The following RPS6KA2 variants were observed in gnomAD, a reference collection of about 807,000 sequenced individuals.
RPS6KA2 encodes the protein ribosomal protein S6 kinase alpha-2.
In RPS6KA2, 42 loss-of-function variants were observed where a neutral mutation model predicts 91.8. That is an observed-to-expected ratio of 0.46 (90% confidence interval 0.36 to 0.59). The LOEUF (loss-of-function observed/expected upper bound fraction) is 0.59, where lower values mean the gene tolerates loss of function less well. Ranked by LOEUF, RPS6KA2 falls within the 20% of genes least tolerant of loss-of-function variation. The pLI, the probability that RPS6KA2 is intolerant of heterozygous loss-of-function variation, is 0.00. For missense variants in RPS6KA2, 798 were observed against 978.5 expected (o/e 0.82, Z 2.46); for synonymous variants, 414 against 393.6 (o/e 1.05, Z -0.61).
chr6:166,718,202 T>G (rs150843549), intron 2 of RPS6KA2, among the ~76,000 whole-genome samples: 1 of 152,186 alleles, frequency 6.6e-6, no homozygotes, highest in Admixed American at 6.5e-5. Context: ...TACCCTCACT[T>G]CCCCTTAAGT....
chr6:166,782,088 T>C (rs550906864), intron 2 of RPS6KA2, among the ~76,000 whole-genome samples: 100 of 152,278 alleles, frequency 6.6e-4, no homozygotes, highest in Middle Eastern at 6.8e-3. Flanking sequence ...GTCAGGAGTT[T>C]GAGACCAGCC....
rs546130789 is a variant in RPS6KA2, at chr6:166,491,191, T to C, written c.748-450A>G. On this transcript the variant is annotated intron_variant, in intron 8 of 20. Transcript: ENST00000265678. ...CATGCCTGGATGGTGGGGGCTAGAG[T>C]GCTTCCAGCATGAGATAGACCTGAC... Among the ~76,000 whole-genome samples the C allele has an allele frequency of 7.9e-5, 12 of 152,190 alleles. No individual in the cohort carries two copies. The South Asian group carries it at 2.5e-3, about 32-fold the overall frequency.
intron 10 of RPS6KA2, among the ~76,000 whole-genome samples, chr6:166,474,532 G>A (rs1319677582): frequency 1.3e-5 from 2 of 152,176 alleles, no homozygotes; most frequent in African/African-American, 4.8e-5. Flanking sequence ...TTAGGAATGA[G>A]CTAGAAAGCT....
intron 12 of RPS6KA2, among the ~76,000 whole-genome samples, chr6:166,454,569 C>G (rs1234893382): frequency 1.3e-5 from 2 of 152,082 alleles, no homozygotes; most frequent in Admixed American, 1.3e-4. Context: ...TAGAAAAAGT[C>G]TGTTTCAGTG....
chr6:166,791,472 C>G (rs1309968496), intron 2 of RPS6KA2, among the ~76,000 whole-genome samples: 1 of 152,212 alleles, frequency 6.6e-6, no homozygotes, highest in African/African-American at 2.4e-5. Context: ...AGAAATTTAA[C>G]AAGGATATCC....
At chr6:166,701,534 G>A (rs1583032361) in intron 2 of RPS6KA2, 5 of 1,443,340 alleles carry the variant, frequency 3.5e-6, no homozygotes, top group South Asian at 1.1e-5. Flanking sequence ...CCAGCAAAGC[G>A]AGAAAGCTGC....
rs578169817 is a variant in RPS6KA2 at position 166,672,955 on chromosome 6, C to T, written c.124-134171G>A. Among the ~76,000 whole-genome samples, 18 of 152,254 alleles carry T rather than the reference C, an allele frequency of 1.2e-4. No homozygotes were observed. The South Asian group carries it at 3.5e-3, about 30-fold the overall frequency. On this transcript the variant is annotated intron_variant, in intron 2 of 21. Coordinates refer to the RPS6KA2 transcript ENST00000503859. Reference sequence around the variant, plus strand: ...GCTTGGAGCGTGGGTTTGATGTTGGCGTGGGCTTGCTGCAGCCAGCTGATG... The same window carrying T: ...GCTTGGAGCGTGGGTTTGATGTTGGTGTGGGCTTGCTGCAGCCAGCTGATG...
At chr6:166,440,446 C>T (rs1779484193) in intron 14 of RPS6KA2, 1 of 152,204 alleles carries the variant, frequency 6.6e-6, no homozygotes. Flanking sequence ...TTTGATTTTA[C>T]ATAAACATGT....
At chr6:166,750,379 C>T (rs1001378063) in intron 2 of RPS6KA2, among the ~76,000 whole-genome samples, 7 of 152,022 alleles carry the variant, frequency 4.6e-5, no homozygotes, top group Non-Finnish European at 8.8e-5. Flanking sequence ...ACGCAGTGCA[C>T]GCACATCTGT....
chr6:166,693,969 A>G (rs994688792), intron 2 of RPS6KA2, among the ~76,000 whole-genome samples: 52 of 152,112 alleles, frequency 3.4e-4, no homozygotes, highest in African/African-American at 1.2e-3. Context: ...TCCCTTAACG[A>G]TAGTTCTCGC....
At chr6:166,609,242 C>G (rs902551159) in intron 1 of RPS6KA2, among the ~76,000 whole-genome samples, 7 of 152,102 alleles carry the variant, frequency 4.6e-5, no homozygotes, top group Non-Finnish European at 1.0e-4. Context: ...GAAGCAGATG[C>G]CCCTAAAAAG....
At chr6:166,667,037 G>T (rs114586913) in intron 2 of RPS6KA2, among the ~76,000 whole-genome samples, 1 of 152,196 alleles carries the variant, frequency 6.6e-6, no homozygotes, top group South Asian at 2.1e-4. Context: ...GTGAGGTACC[G>T]AGAATACTCA....
intron 2 of RPS6KA2, 115 bp downstream of exon 2, chr6:166,538,553 C>T (rs750052129): frequency 1.4e-4 from 89 of 645,994 alleles, no homozygotes; most frequent in Admixed American, 1.1e-3. Context: ...TCCAGGTTCC[C>T]GTGATCGCAG....
chr6:166,730,520 T>C (rs1348640378), intron 2 of RPS6KA2, among the ~76,000 whole-genome samples: 1 of 152,246 alleles, frequency 6.6e-6, no homozygotes, highest in African/African-American at 2.4e-5. Flanking sequence ...ATTCTGGTTG[T>C]TACCTTAGAA....
Position 166,608,015 on chromosome 6 carries a change from GAAAA to G in RPS6KA2, c.99+18902_99+18905del, listed in dbSNP as rs35201506. On this transcript the variant is annotated intron_variant, in intron 1 of 20. Transcript: ENST00000265678. ...AGAAGGCAAAACCTTGTCTCAGAAA[GAAAA>G]AAAAAAAAAAGAGAGAGAGAGACTG... 2.7e-4 allele frequency among the ~76,000 whole-genome samples: 35 copies of G among 128,232 alleles called. No individual in the cohort carries two copies. In the South Asian group the frequency reaches 8.5e-3, roughly 31 times the overall value. The allele number at this position is 128,232 out of a possible 152,430, so 84.1% of individuals were successfully genotyped here.
At chr6:166,523,921 A>AT (rs1188414649) in intron 3 of RPS6KA2, among the ~76,000 whole-genome samples, 1 of 152,210 alleles carries the variant, frequency 6.6e-6, no homozygotes, top group Non-Finnish European at 1.5e-5. Flanking sequence ...GCGGGTCACT[A>AT]CACACAGCTC....
intron 2 of RPS6KA2, among the ~76,000 whole-genome samples, chr6:166,681,126 G>A (rs1420588422): frequency 6.6e-6 from 1 of 152,200 alleles, no homozygotes; most frequent in Non-Finnish European, 1.5e-5. Context: ...GAGAGGCAGC[G>A]CCAGAGCACA....
In RPS6KA2 at chr6:166,648,036, GCT is replaced by G. The variant is rs200292806; in HGVS notation, c.124-109254_124-109253del. Among the ~76,000 whole-genome samples the G allele has an allele frequency of 0.032, 2,878 of 89,002 alleles. 109 individuals are homozygous for G. Among genetic ancestry groups the G allele is most frequent in the South Asian group, 0.19 (508 of 2,740 alleles). The allele number at this position is 89,002 out of a possible 152,430, so 58.4% of individuals were successfully genotyped here. On this transcript the variant is annotated intron_variant, in intron 2 of 21. Coordinates refer to the RPS6KA2 transcript ENST00000503859. The surrounding 1 kb of genome is among the most constrained non-coding windows in gnomAD (Gnocchi z 4.8). ...TGCTTACACACATACATACACACAT[GCT>G]CTCACACACATGCACATGCTCACAC...
intron 1 of RPS6KA2, among the ~76,000 whole-genome samples, chr6:166,550,885 C>T (rs1424639684): frequency 6.6e-6 from 1 of 150,958 alleles, no homozygotes; most frequent in Non-Finnish European, 1.5e-5. Flanking sequence ...CCTGTAGTCC[C>T]AGCTACTCGG....
Sources: allele counts gnomAD v4.1 joint callset (sites outside exome capture counted in the v4.1 genomes callset), GRCh38; gene constraint gnomAD v4.1.1; non-coding constraint Gnocchi (gnomAD v3.1); transcripts MANE v1.5; gene names NCBI Gene and HGNC (gene_info 2026-07-23, HGNC 2026-07-21).